The following ING3 variants were observed in gnomAD, a reference collection of about 807,000 sequenced individuals.
The protein encoded by ING3 is inhibitor of growth protein 3.
Under a neutral mutation model 64.8 loss-of-function variants are expected in ING3, and 6 were observed. That is an observed-to-expected ratio of 0.09 (90% CI 0.05 to 0.18). ING3 has a LOEUF of 0.18. Ranked by LOEUF, ING3 falls within the 10% of genes least tolerant of loss-of-function variation. The pLI, the probability that ING3 is intolerant of heterozygous loss-of-function variation, is 1.00. For missense variants in ING3, 310 were observed against 489.7 expected, an observed-to-expected ratio of 0.63 and a Z score of 3.46; for synonymous variants, 170 against 173.7, an observed-to-expected ratio of 0.98 and a Z score of 0.17.
chr7:120,968,621 G>T, intron 8 of ING3, among the ~76,000 whole-genome samples: 1 of 152,032 alleles, frequency 6.6e-6, no homozygotes, highest in Middle Eastern at 3.2e-3. Flanking sequence ...GAGGCAGGTG[G>T]ATCACTTGAG....
chr7:120,966,204 AT>A (rs1299392064), intron 5 of ING3, among the ~76,000 whole-genome samples: 6 of 152,256 alleles, frequency 3.9e-5, no homozygotes, highest in African/African-American at 1.4e-4. Context: ...TGATCAAATA[AT>A]TTTTTTCATA....
In ING3 at chr7:120,969,113, G is replaced by C; in HGVS notation, c.817G>C (p.Val273Leu). The C allele has an allele frequency of 1.2e-6, 2 of 1,614,008 alleles. No homozygotes were observed. The highest frequency in any genetic ancestry group is 1.7e-6 in the Non-Finnish European group (2 of 1,179,878). Reference protein sequence around the residue: ...GKEFSMARETVGYSSSSALMT... With the variant: ...GKEFSMARETLGYSSSSALMT... The stretch of plus-strand genomic sequence containing the variant: ...AGAATTTTCAATGGCCAGGGAAACA[G>C]TTGGCTATTCATCATCTTCGGCACT... The change falls in exon 9 of 12, where the codon GTT (valine) becomes CTT (leucine). Residue 273 changes from valine to leucine, a missense_variant. By Grantham distance (32) the Val-to-Leu change is conservative (BLOSUM62 1). Transcript: ENST00000315870.
rs1584996966 is a variant in ING3 at position 120,974,980 on chromosome 7, A to C, written c.*136A>C. The C allele has an allele frequency of 1.9e-6, 1 of 529,010 alleles. No individual in the cohort carries two copies. Among genetic ancestry groups the C allele is most frequent in the East Asian group, 3.3e-5 (1 of 30,534 alleles). The allele number at this position is 529,010 out of a possible 1,614,324, so 32.8% of individuals were successfully genotyped here. On this transcript the variant is annotated 3_prime_UTR_variant, in exon 12 of 12. Transcript: ENST00000315870. The stretch of plus-strand genomic sequence containing the variant: ...AAAGGATTTACATAGACAATCCTAT[A>C]AGATCTTGAACTTGAATTTTATGGG...
chr7:120,969,279 CTA>C (rs1796037453), intron 9 of ING3, 75 bp downstream of exon 9: 1 of 1,184,018 alleles, frequency 8.4e-7, no homozygotes, highest in African/African-American at 1.6e-5. Context: ...CCAGGCCTCT[CTA>C]TGTTAAAGGC....
chr7:120,951,296 C>A, intron 2 of ING3, 61 bp downstream of exon 2: 1 of 1,477,808 alleles, frequency 6.8e-7, no homozygotes, highest in Non-Finnish European at 9.5e-7. Context: ...ACTTGCTTGT[C>A]ATCACTGCTA....
chr7:120,962,695 TTGTC>T (rs1691798231), intron 4 of ING3, among the ~76,000 whole-genome samples: 1 of 152,078 alleles, frequency 6.6e-6, no homozygotes, highest in African/African-American at 2.4e-5. Flanking sequence ...AGCATACTGT[TTGTC>T]TTTCTGTCTC....
chr7:120,955,958 C>T, intron 4 of ING3: 1 of 586,298 alleles, frequency 1.7e-6, no homozygotes, highest in East Asian at 2.8e-5. Flanking sequence ...TTGCCTTATA[C>T]ATCATTTTGA....
At chr7:120,972,051 G>A (rs117303889) in intron 10 of ING3, among the ~76,000 whole-genome samples, 5 of 151,920 alleles carry the variant, frequency 3.3e-5, no homozygotes, top group Admixed American at 6.6e-5. Context: ...TAATGGTGTC[G>A]GCTGATTTTT....
intron 11 of ING3, 45 bp from the exon 12 acceptor site, chr7:120,974,683 C>A: frequency 9.5e-7 from 1 of 1,048,906 alleles, no homozygotes; most frequent in South Asian, 1.3e-5. Context: ...ACTCTCTTGT[C>A]TTCAGAAGTA....
intron 2 of ING3, among the ~76,000 whole-genome samples, chr7:120,952,790 T>G (rs1046741312): frequency 2.0e-5 from 3 of 151,930 alleles, no homozygotes; most frequent in African/African-American, 7.2e-5. Context: ...TCCAATGAGA[T>G]GATTAGTCTT....
chr7:120,971,730 G>A (rs998878819), intron 10 of ING3, among the ~76,000 whole-genome samples: 3 of 151,932 alleles, frequency 2.0e-5, no homozygotes, highest in South Asian at 2.1e-4. Context: ...TTTGAAATTA[G>A]GGATAATATT....
chr7:120,953,582 G>A (rs1310417193), intron 3 of ING3, among the ~76,000 whole-genome samples, 178 bp downstream of exon 3: 1 of 152,104 alleles, frequency 6.6e-6, no homozygotes, highest in Non-Finnish European at 1.5e-5. Context: ...TCATTAAAGC[G>A]TTTTGGTAAT....
At chr7:120,953,202 AAG>A (rs376815240) in intron 2 of ING3, 100 bp from the exon 3 acceptor site, 3 of 586,110 alleles carry the variant, frequency 5.1e-6, no homozygotes, top group African/African-American at 3.9e-5. Context: ...GGCAAGGTGA[AAG>A]AGTGTGTATT....
intron 2 of ING3, among the ~76,000 whole-genome samples, chr7:120,952,091 G>A (rs927694681): frequency 6.6e-6 from 1 of 152,186 alleles, no homozygotes; most frequent in Admixed American, 6.5e-5. Flanking sequence ...GTGGTGGCAT[G>A]GAAGCCACTT....
chr7:120,967,043 C>G (rs2116680675), intron 6 of ING3, among the ~76,000 whole-genome samples: 1 of 152,144 alleles, frequency 6.6e-6, no homozygotes, highest in East Asian at 1.9e-4. Context: ...TGTAATAGGC[C>G]CTTTGTCTTT....
intron 9 of ING3, among the ~76,000 whole-genome samples, chr7:120,970,480 A>G (rs967534693): frequency 1.1e-4 from 16 of 151,978 alleles, no homozygotes; most frequent in African/African-American, 3.6e-4. Flanking sequence ...AAAAAAAAAA[A>G]TACAAATAAT....
chr7:120,974,659 G>A, intron 11 of ING3, 69 bp from the exon 12 acceptor site: 1 of 828,404 alleles, frequency 1.2e-6, no homozygotes, highest in Admixed American at 1.9e-5. Context: ...AGTCTCCTGA[G>A]CATATTTTAA....
intron 4 of ING3, chr7:120,956,646 T>C: frequency 1.0e-6 from 1 of 986,980 alleles, no homozygotes; most frequent in Non-Finnish European, 1.2e-6. Context: ...TGCCTAAAGA[T>C]AGGTAGAATA....
intron 1 of ING3, 79 bp from the exon 2 acceptor site, chr7:120,951,085 C>T (rs1240300393): frequency 3.2e-6 from 5 of 1,558,204 alleles, no homozygotes; most frequent in African/African-American, 2.7e-5. Flanking sequence ...CCCTCGACCC[C>T]CCTGACGCAC....
Sources: gnomAD v4.1 joint callset for allele counts (sites outside exome capture counted in the v4.1 genomes callset) on GRCh38, gnomAD v4.1.1 for gene constraint, MANE v1.5 for transcripts, NCBI Gene and HGNC (gene_info 2026-07-23, HGNC 2026-07-21) for gene names.